Variants in CYB5R4 observed in about 807,000 individuals in gnomAD.
The protein encoded by CYB5R4 is N-terminal cytochrome b5 and cytochrome b5 oxidoreductase domain-containing protein.
Under a neutral mutation model 70.2 loss-of-function variants are expected in CYB5R4, and 55 were observed. The ratio of observed to expected loss-of-function variants is 0.78; its 90% CI spans 0.63 to 0.98. CYB5R4 has a LOEUF of 0.98. CYB5R4 is among the 50% of genes least tolerant of loss of function. The probability of loss-of-function intolerance (pLI) is 0.00; values close to 1 mark genes in which losing one functional copy is unlikely to be tolerated. For synonymous variants in CYB5R4, 197 were observed against 199.5 expected, an observed-to-expected ratio of 0.99 and a Z score of 0.11; for missense variants, 562 against 612.6, an observed-to-expected ratio of 0.92 and a Z score of 0.87.
intron 14 of CYB5R4, among the ~76,000 whole-genome samples, chr6:83,952,478 G>A (rs1315947671): frequency 6.6e-6 from 1 of 152,124 alleles, no homozygotes; most frequent in African/African-American, 2.4e-5. Context: ...GAAATGATTA[G>A]CATTTCTTGG....
chr6:83,891,761 A>AT (rs2099461155), intron 2 of CYB5R4, among the ~76,000 whole-genome samples: 1 of 152,184 alleles, frequency 6.6e-6, no homozygotes, highest in African/African-American at 2.4e-5. Flanking sequence ...TTGTGACAGT[A>AT]TAAGGGTCAA....
chr6:83,918,833 A>G (rs2099465907), intron 6 of CYB5R4, among the ~76,000 whole-genome samples: 1 of 152,078 alleles, frequency 6.6e-6, no homozygotes, highest in Non-Finnish European at 1.5e-5. Context: ...AAATTATTTC[A>G]TATACAATTT....
intron 1 of CYB5R4, 45 bp downstream of exon 1, chr6:83,859,902 G>C (rs1300988658): frequency 1.3e-6 from 2 of 1,554,148 alleles, no homozygotes; most frequent in East Asian, 2.3e-5. Flanking sequence ...TGCGTTTCGA[G>C]CTCTGGCAGT....
At chr6:83,928,560 T>C (rs1265529002) in intron 10 of CYB5R4, among the ~76,000 whole-genome samples, 1 of 152,070 alleles carries the variant, frequency 6.6e-6, no homozygotes, top group Non-Finnish European at 1.5e-5. Context: ...AGATCATTAC[T>C]GGTTGCATAT....
intron 4 of CYB5R4, among the ~76,000 whole-genome samples, chr6:83,913,775 C>G (rs1039066990): frequency 6.6e-6 from 1 of 151,810 alleles, no homozygotes; most frequent in Non-Finnish European, 1.5e-5. Context: ...ATTTTGACAA[C>G]TTGCTGAGGT....
intron 14 of CYB5R4, among the ~76,000 whole-genome samples, chr6:83,950,114 CT>C (rs2099471284): frequency 6.6e-6 from 1 of 151,994 alleles, no homozygotes. Context: ...AATATAGATA[CT>C]TCATGAATAA....
At position 83,893,564 on chromosome 6, in the gene CYB5R4, G is replaced by C; in HGVS notation, c.272G>C (p.Gly91Ala). Residue 91 changes from glycine (G) to alanine (A), a missense_variant, in exon 3 of 16, where the codon GGT becomes GCT. Coordinates refer to ENST00000369681, the MANE Select transcript of CYB5R4 (RefSeq NM_016230.4). ...AGCCCTTATATGGAGTATCATCCTG[G>C]TGGAGAAGATGAACTAATGAGAGCA... ...NVSPYMEYHP[G>A]GEDELMRAAG... The C allele has an allele frequency of 6.2e-7, 1 of 1,613,258 alleles. No individual in the cohort carries two copies. The highest frequency in any genetic ancestry group is 8.5e-7 in the Non-Finnish European group (1 of 1,179,408).
chr6:83,942,654 C>A (rs1364458084), intron 14 of CYB5R4, among the ~76,000 whole-genome samples: 2 of 152,138 alleles, frequency 1.3e-5, no homozygotes, highest in African/African-American at 2.4e-5. Flanking sequence ...GCCAGGGAGC[C>A]AGGTGGTCTT....
chr6:83,940,015 G>GTTTTT, intron 12 of CYB5R4, 41 bp from the exon 13 acceptor site: 1 of 1,158,942 alleles, frequency 8.6e-7, no homozygotes, highest in Non-Finnish European at 1.2e-6. Context: ...TTTGTTTTTT[G>GTTTTT]TTTTTTTTTT....
intron 1 of CYB5R4, among the ~76,000 whole-genome samples, chr6:83,860,648 T>A (rs1278489899): frequency 1.3e-5 from 2 of 152,210 alleles, no homozygotes; most frequent in African/African-American, 2.4e-5. Context: ...TTTGTGACAC[T>A]TCCACTTAAC....
intron 2 of CYB5R4, among the ~76,000 whole-genome samples, chr6:83,882,488 C>T (rs912687965): frequency 4.6e-5 from 7 of 152,132 alleles, no homozygotes; most frequent in African/African-American, 1.2e-4. Flanking sequence ...CCTACTAAAA[C>T]AGTCAATAAT....
At chr6:83,861,912 T>C (rs2099455998) in intron 1 of CYB5R4, among the ~76,000 whole-genome samples, 1 of 152,252 alleles carries the variant, frequency 6.6e-6, no homozygotes, top group Admixed American at 6.5e-5. Flanking sequence ...GCAGGAAATT[T>C]TGTTTGTCAA....
intron 14 of CYB5R4, among the ~76,000 whole-genome samples, chr6:83,948,298 A>G (rs2099470966): frequency 6.6e-6 from 1 of 152,208 alleles, no homozygotes; most frequent in Admixed American, 6.5e-5. Context: ...GTTCTTACTC[A>G]TAAGTGGGAG....
chr6:83,923,907 T>TA lies in CYB5R4; in HGVS notation c.692-550dup, dbSNP rs879334428. Among the ~76,000 whole-genome samples the TA allele has an allele frequency of 2.6e-3, 365 of 138,518 alleles. 3 individuals carry two copies. The highest frequency in any genetic ancestry group is 0.018 in the East Asian group (87 of 4,762). 90.9% of individuals were successfully genotyped at this position (138,518 alleles called of 152,430 possible). A position where few individuals can be genotyped will look rare whatever the true frequency, so the allele number is the denominator to read the frequency against. ...AGTGAAACCCCATCTCTACTAAAAA[T>TA]AAAAAAAAAAAAATTAGCCGGGCGT... On this transcript the variant is annotated intron_variant, in intron 9 of 15. Coordinates refer to ENST00000369681, the MANE Select transcript of CYB5R4 (RefSeq NM_016230.4).
intron 2 of CYB5R4, among the ~76,000 whole-genome samples, chr6:83,873,627 A>G (rs2099458010): frequency 6.6e-6 from 1 of 152,144 alleles, no homozygotes; most frequent in East Asian, 1.9e-4. Context: ...TATAGAGAAG[A>G]CAGGTTTTAA....
rs1163505350 is a variant in CYB5R4, at chr6:83,962,166, G to A, written c.*2288G>A. On this transcript the variant is annotated 3_prime_UTR_variant, in exon 16 of 16. Transcript: ENST00000369681. ...ATCAACATCAATGTCCCCTTCTCCA[G>A]TCTGACTCTTCCATACCAGCTAACC... 6.6e-6 allele frequency: 1 copy of A among 152,154 alleles called. No homozygotes were observed. Among genetic ancestry groups the A allele is most frequent in the Non-Finnish European group, 1.5e-5 (1 of 68,054 alleles). 9.4% of individuals were successfully genotyped at this position (152,154 alleles called of 1,614,324 possible). A position where few individuals can be genotyped will look rare whatever the true frequency, so the allele number is the denominator to read the frequency against.
At position 83,893,511 on chromosome 6, in the gene CYB5R4, C is replaced by T. The variant is rs777030261; in HGVS notation, c.230-11C>T. The T allele has an allele frequency of 9.1e-6, 14 of 1,531,788 alleles. No individual in the cohort carries two copies. Among genetic ancestry groups the T allele is most frequent in the Admixed American group, 1.8e-5 (1 of 55,458 alleles). 94.9% of individuals were successfully genotyped at this position (1,531,788 alleles called of 1,614,324 possible). On this transcript the variant is annotated splice_polypyrimidine_tract_variant and intron_variant, in intron 2 of 15. Transcript: ENST00000369681. ...TCATTTAGGATATTATTTCTGTTTG[C>T]TTTGGTACAGGTTTCGTTTATAATG...
At chr6:83,919,501 A>G (rs1392842204) in intron 7 of CYB5R4, 47 bp downstream of exon 7, 2 of 1,032,082 alleles carry the variant, frequency 1.9e-6, no homozygotes, top group Non-Finnish European at 2.8e-6. Context: ...ATAAATGTTA[A>G]TTTATGTACC....
intron 14 of CYB5R4, among the ~76,000 whole-genome samples, chr6:83,952,166 GA>G (rs2099471657): frequency 1.3e-5 from 2 of 152,096 alleles, no homozygotes; most frequent in South Asian, 4.1e-4. Flanking sequence ...GGTCACAAAG[GA>G]AACGGGACTA....
Sources: allele counts gnomAD v4.1 joint callset (sites outside exome capture counted in the v4.1 genomes callset), GRCh38; gene constraint gnomAD v4.1.1; transcripts MANE v1.5; gene names NCBI Gene and HGNC (gene_info 2026-07-23, HGNC 2026-07-21).